Variants in ZMAT5 observed in about 807,000 individuals in gnomAD.
ZMAT5 encodes zinc finger matrin-type 5.
A neutral mutation model predicts 28.0 loss-of-function variants in ZMAT5; 23 were observed. That is an observed-to-expected ratio of 0.82 (90% CI 0.59 to 1.16). ZMAT5 has a LOEUF of 1.16. Among genes scored for constraint, ZMAT5 ranks in the 50% most tolerant of loss-of-function variants. The pLI, the probability that ZMAT5 is intolerant of heterozygous loss-of-function variation, is 0.00. For missense variants in ZMAT5, 173 were observed against 212.7 expected, an observed-to-expected ratio of 0.81 and a Z score of 1.16; for synonymous variants, 76 against 84.1, an observed-to-expected ratio of 0.90 and a Z score of 0.52.
intron 1 of ZMAT5, among the ~76,000 whole-genome samples, chr22:29,749,776 T>G (rs372069185): frequency 6.6e-6 from 1 of 152,148 alleles, no homozygotes; most frequent in Non-Finnish European, 1.5e-5. Context: ...GTTCTCATGA[T>G]AGTGAAGAGT....
chr22:29,737,273 A>G (rs2067915091), intron 5 of ZMAT5, among the ~76,000 whole-genome samples: 1 of 150,716 alleles, frequency 6.6e-6, no homozygotes, highest in Non-Finnish European at 1.5e-5. Flanking sequence ...GGTTGCAGTG[A>G]GCTGAGATCA....
chr22:29,753,374 AATTAG>A, intron 1 of ZMAT5, among the ~76,000 whole-genome samples: 1 of 152,258 alleles, frequency 6.6e-6, no homozygotes, highest in Admixed American at 6.5e-5. Flanking sequence ...AAAATACAAA[AATTAG>A]CTGGGCATAG....
In ZMAT5 at chr22:29,742,419, T is replaced by A; in HGVS notation, c.189A>T (p.Thr63=). The A allele has an allele frequency of 6.2e-7, 1 of 1,613,214 alleles. No homozygotes were observed. Among genetic ancestry groups the A allele is most frequent in the Non-Finnish European group, 8.5e-7 (1 of 1,179,808 alleles). The part of the protein sequence containing the change: ...NKRPCRKFLL[T]GQCDFGSNCR... ...CCTGAGCTGTGCAGAGGACTTTACC[T>A]GTCAGTAGAAACTTCCTGCAGGGCC... Residue 63 remains threonine, a splice_region_variant and synonymous_variant, in exon 3 of 6, where the codon ACA becomes ACT. Transcript: ENST00000344318.
intron 1 of ZMAT5, among the ~76,000 whole-genome samples, chr22:29,752,749 C>T (rs2068065852): frequency 6.6e-6 from 1 of 152,208 alleles, no homozygotes; most frequent in South Asian, 2.1e-4. Flanking sequence ...CGCCATGTTG[C>T]CCAGGTTGGT....
intron 2 of ZMAT5, chr22:29,747,327 G>C (rs2068017277): frequency 6.6e-6 from 1 of 152,224 alleles, no homozygotes; most frequent in South Asian, 2.1e-4. Flanking sequence ...ATGCTGCCCA[G>C]GCTGCTCTTG....
Position 29,738,335 on chromosome 22 carries a change from ACTTGGGGCTGAGCTCAGCCG to A in ZMAT5, c.358_377del (p.Arg120Ter). ...GGAACCCTGGGGACCTGTACCTGCT[ACTTGGGGCTGAGCTCAGCCG>A]CTTGGCTCTCTTCTCCAGCCAGTCC... On this transcript the variant is annotated frameshift_variant, in exon 5 of 6. Transcript: ENST00000344318. LOFTEE classifies it high-confidence loss of function. 6.2e-7 allele frequency: 1 copy of A among 1,608,640 alleles called. No homozygotes were observed. Among genetic ancestry groups the A allele is most frequent in the Non-Finnish European group, 8.5e-7 (1 of 1,179,552 alleles).
At chr22:29,757,192 G>A (rs1246382838) in intron 1 of ZMAT5, among the ~76,000 whole-genome samples, 1 of 138,930 alleles carries the variant, frequency 7.2e-6, no homozygotes, top group African/African-American at 2.8e-5. Context: ...CTCCAGCCTG[G>A]ACAACAGGGT....
intron 1 of ZMAT5, among the ~76,000 whole-genome samples, chr22:29,765,545 T>C (rs1188564325): frequency 6.6e-6 from 1 of 152,006 alleles, no homozygotes; most frequent in Non-Finnish European, 1.5e-5. Context: ...CCAAATCTGA[T>C]CACTGCCCTG....
rs748141820 is a variant in ZMAT5, at chr22:29,748,300, T to G, written c.127+118A>C. 4 of 1,498,424 alleles carry G rather than the reference T, an allele frequency of 2.7e-6. No homozygotes were observed. The South Asian group carries it at 4.6e-5, about 17-fold the overall frequency. 92.8% of individuals were successfully genotyped at this position (1,498,424 alleles called of 1,614,324 possible). ...GGGCCCAGTGGCTCAGGCCTCCCTCTCTTTTGATCCTCAAAGAGCCCAGAC... is the reference window on the plus strand; with the variant it reads ...GGGCCCAGTGGCTCAGGCCTCCCTCGCTTTTGATCCTCAAAGAGCCCAGAC... On this transcript the variant is annotated intron_variant, in intron 2 of 5. Coordinates refer to ENST00000344318, the MANE Select transcript of ZMAT5 (RefSeq NM_001003692.2).
In ZMAT5 at chr22:29,740,650, C is replaced by T. The variant is rs748335726; in HGVS notation, c.271G>A (p.Glu91Lys). The change falls in exon 4 of 6, where the codon GAG becomes AAG. Residue 91 changes from glutamate (E) to lysine (K), a missense_variant and splice_region_variant. Physicochemically the swap from Glu to Lys is moderately conservative, Grantham distance 56 (BLOSUM62 1). Transcript: ENST00000344318. ...TAGCCCAGGGCATCCCGAGACGTAC[C>T]CTCCACCTGGATGCTCAGCTCCTGC... ...DLQELSIQVE[E>K]ERRAREWLLD... 2 of 1,599,510 alleles carry T rather than the reference C, an allele frequency of 1.3e-6. No individual in the cohort carries two copies. Among genetic ancestry groups the T allele is most frequent in the Non-Finnish European group, 1.7e-6 (2 of 1,173,390 alleles).
At chr22:29,764,645 C>T (rs1021597583) in intron 1 of ZMAT5, among the ~76,000 whole-genome samples, 15 of 152,238 alleles carry the variant, frequency 9.9e-5, no homozygotes, top group South Asian at 4.2e-4. Context: ...GGATTACAAG[C>T]GGGTACCACC....
intron 1 of ZMAT5, among the ~76,000 whole-genome samples, chr22:29,756,726 T>G (rs781496497): frequency 4.0e-5 from 6 of 151,026 alleles, no homozygotes; most frequent in Non-Finnish European, 7.4e-5. Flanking sequence ...CTGGGCAACA[T>G]AGTTAGACCC....
intron 3 of ZMAT5, among the ~76,000 whole-genome samples, chr22:29,741,529 G>A (rs1217610424): frequency 1.3e-5 from 2 of 152,188 alleles, no homozygotes; most frequent in Non-Finnish European, 2.9e-5. Flanking sequence ...AACCCTTAGA[G>A]AATACATAGG....
Position 29,748,482 on chromosome 22 carries a change from G to T in ZMAT5, c.63C>A (p.Arg21=). 1 of 1,614,262 alleles carries T rather than the reference G, an allele frequency of 6.2e-7. No individual in the cohort carries two copies. Among genetic ancestry groups the T allele is most frequent in the Non-Finnish European group, 8.5e-7 (1 of 1,180,046 alleles). Reference sequence around the variant, plus strand: ...GCTGCAGCCCGTTCAGGTGCTTCTTGCGGTTGTGGAGGTTGTCCTGGAAGG... The same window carrying T: ...GCTGCAGCCCGTTCAGGTGCTTCTTTCGGTTGTGGAGGTTGTCCTGGAAGG... The part of the protein sequence containing the change: ...DRSFQDNLHN[R]KKHLNGLQHL... Residue 21 remains arginine (R), a synonymous_variant, in exon 2 of 6, where the codon CGC becomes CGA. Coordinates refer to ENST00000344318, the MANE Select transcript of ZMAT5 (RefSeq NM_001003692.2).
chr22:29,757,809 G>C lies in ZMAT5; in HGVS notation c.-28+9063C>G, dbSNP rs541927473. Among the ~76,000 whole-genome samples the C allele has an allele frequency of 4.6e-5, 7 of 152,292 alleles. No homozygotes were observed. The South Asian group carries it at 1.5e-3, about 32-fold the overall frequency. On this transcript the variant is annotated intron_variant, in intron 1 of 5. Transcript: ENST00000344318. ...AAGGCGGGCAGATCACTTGAGGTCA[G>C]GAGTTCGAGACCAGCCTGACCAACA...
rs538453144 is a variant in ZMAT5, at chr22:29,759,171, A to G, written c.-28+7701T>C. Among the ~76,000 whole-genome samples the G allele has an allele frequency of 1.3e-3, 197 of 152,320 alleles. 1 individual carries two copies. The highest frequency in any genetic ancestry group is 4.6e-3 in the African/African-American group (193 of 41,576). ...TCTCATCAGATAGTTACAGGTCCCAAGAGGCCAGAGTTTCCAAATAGGAAA... is the reference window on the plus strand; with the variant it reads ...TCTCATCAGATAGTTACAGGTCCCAGGAGGCCAGAGTTTCCAAATAGGAAA... On this transcript the variant is annotated intron_variant, in intron 1 of 5. Coordinates refer to ENST00000344318, the MANE Select transcript of ZMAT5 (RefSeq NM_001003692.2).
chr22:29,759,826 G>A (rs1376894238), intron 1 of ZMAT5, among the ~76,000 whole-genome samples: 1 of 151,864 alleles, frequency 6.6e-6, no homozygotes, highest in Non-Finnish European at 1.5e-5. Context: ...TAGCACTTTG[G>A]GAGGCTAGGC....
At chr22:29,750,260 G>A (rs2147229176) in intron 1 of ZMAT5, among the ~76,000 whole-genome samples, 2 of 152,248 alleles carry the variant, frequency 1.3e-5, no homozygotes, top group Middle Eastern at 6.8e-3. Flanking sequence ...TAAGCAGAAG[G>A]CAAACCCAGT....
At chr22:29,765,387 C>A (rs2068197818) in intron 1 of ZMAT5, among the ~76,000 whole-genome samples, 1 of 151,912 alleles carries the variant, frequency 6.6e-6, no homozygotes, top group Admixed American at 6.6e-5. Flanking sequence ...CCACTGCACT[C>A]CAGCCGCACA....
Sources: gnomAD v4.1 joint callset for allele counts (sites outside exome capture counted in the v4.1 genomes callset) on GRCh38, gnomAD v4.1.1 for gene constraint, MANE v1.5 for transcripts, NCBI Gene and HGNC (gene_info 2026-07-23, HGNC 2026-07-21) for gene names.